Variants in CACNA2D3 observed in about 807,000 individuals in gnomAD.
CACNA2D3 encodes the protein calcium voltage-gated channel auxiliary subunit alpha2delta 3, also known as voltage-dependent calcium channel subunit alpha-2/delta-3.
A neutral mutation model predicts 160.6 loss-of-function variants in CACNA2D3; 60 were observed. The ratio of observed to expected loss-of-function variants is 0.37; its 90% CI spans 0.30 to 0.46. The LOEUF (loss-of-function observed/expected upper bound fraction) is 0.46, where lower values mean the gene tolerates loss of function less well. Ranked by LOEUF, CACNA2D3 falls within the 20% of genes least tolerant of loss-of-function variation. The pLI is 1.00. For missense variants in CACNA2D3, 1,205 were observed against 1,365.0 expected (o/e 0.88, Z 1.85); for synonymous variants, 558 against 492.9 (o/e 1.13, Z -1.75).
At chr3:54,532,114 G>A (rs1701815387) in intron 5 of CACNA2D3, among the ~76,000 whole-genome samples, 1 of 152,130 alleles carries the variant, frequency 6.6e-6, no homozygotes. Context: ...CAATGTAGGG[G>A]GTAAAAGTGT....
chr3:54,811,780 C>T (rs1258165271), intron 13 of CACNA2D3, among the ~76,000 whole-genome samples: 1 of 152,154 alleles, frequency 6.6e-6, no homozygotes, highest in Non-Finnish European at 1.5e-5. Flanking sequence ...GGAGCACAGG[C>T]ATGAGCCACC....
intron 11 of CACNA2D3, among the ~76,000 whole-genome samples, chr3:54,739,858 A>G (rs1016725083): frequency 6.6e-6 from 1 of 151,394 alleles, no homozygotes; most frequent in Admixed American, 6.6e-5. Context: ...TATATGTATA[A>G]AGAAATACAT....
chr3:54,302,384 T>G (rs896451032), intron 2 of CACNA2D3, among the ~76,000 whole-genome samples: 3 of 152,206 alleles, frequency 2.0e-5, no homozygotes, highest in Non-Finnish European at 4.4e-5. Context: ...GGAGGGGACT[T>G]ACCATCTTAC....
intron 11 of CACNA2D3, among the ~76,000 whole-genome samples, chr3:54,715,513 G>T (rs1026375269): frequency 6.6e-6 from 1 of 152,032 alleles, no homozygotes; most frequent in Non-Finnish European, 1.5e-5. Flanking sequence ...AGAATATGGG[G>T]GGGGCAGGGG....
chr3:54,277,629 A>G (rs1274155196), intron 2 of CACNA2D3, among the ~76,000 whole-genome samples: 1 of 152,092 alleles, frequency 6.6e-6, no homozygotes. Context: ...TTGATTCCAT[A>G]TGAAATTTAA....
chr3:54,422,663 A>G (rs148108868), intron 4 of CACNA2D3, among the ~76,000 whole-genome samples: 17 of 152,034 alleles, frequency 1.1e-4, no homozygotes, highest in African/African-American at 2.9e-4. Context: ...GCAAAATAAT[A>G]ATGATGATGA....
At chr3:54,609,405 G>T (rs1373657388) in intron 9 of CACNA2D3, among the ~76,000 whole-genome samples, 1 of 152,198 alleles carries the variant, frequency 6.6e-6, no homozygotes, top group Non-Finnish European at 1.5e-5. Flanking sequence ...GGGAAACTCA[G>T]ATAGACTCTA....
intron 11 of CACNA2D3, among the ~76,000 whole-genome samples, chr3:54,735,976 TGCATG>T (rs1220746930): frequency 0.052 from 6,670 of 129,402 alleles, 88 homozygotes; most frequent in Non-Finnish European, 0.066. Context: ...TATTTTTCCA[TGCATG>T]TATATATATA....
intron 27 of CACNA2D3, 94 bp downstream of exon 27, chr3:54,899,962 A>G (rs1376662317): frequency 2.2e-6 from 2 of 889,942 alleles, no homozygotes; most frequent in East Asian, 2.7e-5. Context: ...TTATCCTCCA[A>G]AAAGGTTTTC....
At chr3:54,872,774 A>G (rs1238746060) in intron 18 of CACNA2D3, among the ~76,000 whole-genome samples, 1 of 152,216 alleles carries the variant, frequency 6.6e-6, no homozygotes, top group African/African-American at 2.4e-5. Context: ...AGTTTAGACA[A>G]AATAACTTTG....
intron 3 of CACNA2D3, among the ~76,000 whole-genome samples, chr3:54,368,750 G>A (rs769778570): frequency 1.7e-4 from 22 of 126,422 alleles, no homozygotes; most frequent in Non-Finnish European, 2.7e-4. Context: ...CACCCAGGCT[G>A]TAGTGTAGTG....
intron 35 of CACNA2D3, among the ~76,000 whole-genome samples, chr3:55,022,285 G>T (rs1703472564): frequency 6.6e-6 from 1 of 152,002 alleles, no homozygotes; most frequent in African/African-American, 2.4e-5. Flanking sequence ...AGGTACACTA[G>T]CTCTATTTTG....
chr3:54,476,112 G>C (rs2106886582), intron 4 of CACNA2D3, among the ~76,000 whole-genome samples: 1 of 145,466 alleles, frequency 6.9e-6, no homozygotes, highest in Admixed American at 7.0e-5. Flanking sequence ...TTCTGTGCCT[G>C]GCTTGTGAAA....
At chr3:55,059,998 G>A (rs1704467593) in intron 35 of CACNA2D3, among the ~76,000 whole-genome samples, 1 of 152,074 alleles carries the variant, frequency 6.6e-6, no homozygotes, top group African/African-American at 2.4e-5. Context: ...AGGATAGGGA[G>A]CATGGTGGAT....
intron 4 of CACNA2D3, among the ~76,000 whole-genome samples, chr3:54,493,060 C>CTTTTTTTT (rs34225864): frequency 1.4e-4 from 8 of 58,770 alleles, no homozygotes; most frequent in African/African-American, 6.2e-4. Context: ...TTGCTCAAAA[C>CTTTTTTTT]TTTTTTTTTT....
chr3:54,494,393 G>A (rs1344804031), intron 4 of CACNA2D3, among the ~76,000 whole-genome samples: 1 of 152,182 alleles, frequency 6.6e-6, no homozygotes, highest in Non-Finnish European at 1.5e-5. Flanking sequence ...GCGCCATTGA[G>A]CAAAATCATG....
chr3:54,352,856 C>A (rs1038992917), intron 3 of CACNA2D3, among the ~76,000 whole-genome samples: 1 of 152,122 alleles, frequency 6.6e-6, no homozygotes, highest in Non-Finnish European at 1.5e-5. Context: ...TCTTAAACAA[C>A]TTTTTTTAAT....
At chr3:54,989,969 T>C (rs1449237666) in intron 31 of CACNA2D3, among the ~76,000 whole-genome samples, 2 of 152,162 alleles carry the variant, frequency 1.3e-5, no homozygotes, top group African/African-American at 4.8e-5. Context: ...GACACTCCTG[T>C]CATTCAGAGA....
intron 2 of CACNA2D3, among the ~76,000 whole-genome samples, chr3:54,315,594 C>A (rs989607685): frequency 6.6e-6 from 1 of 152,224 alleles, no homozygotes. Flanking sequence ...AGAAGAAAGA[C>A]CCTGCTAGGT....
Sources: allele counts gnomAD v4.1 joint callset (sites outside exome capture counted in the v4.1 genomes callset), GRCh38; gene constraint gnomAD v4.1.1; transcripts MANE v1.5; gene names NCBI Gene and HGNC (gene_info 2026-07-23, HGNC 2026-07-21).